The following TET2 variants were observed in gnomAD, a reference collection of about 807,000 sequenced individuals.
The protein encoded by TET2 is tet methylcytosine dioxygenase 2.
TET2 carries 299 observed loss-of-function variants against 142.9 expected under a neutral mutation model. The observed-to-expected ratio is 2.09, with a 90% CI of 1.90 to 2.30. The LOEUF is 2.30. TET2 is among the 30% of genes most tolerant of loss of function. The pLI, the probability that TET2 is intolerant of heterozygous loss-of-function variation, is 0.00. For synonymous variants in TET2, 819 were observed against 849.0 expected (o/e 0.96, Z 0.61); for missense variants, 2,418 against 2,378.0 (o/e 1.02, Z -0.35).
In TET2 at chr4:105,259,674, T is replaced by G. The variant is rs1291286274; in HGVS notation, c.3859T>G (p.Phe1287Val). 6.4e-7 allele frequency: 1 copy of G among 1,551,226 alleles called. No individual in the cohort carries two copies. The change falls in exon 7 of 11, where the codon TTT becomes GTT. Residue 1287 changes from phenylalanine (F) to valine (V), a missense_variant. Transcript: ENST00000380013. ...DPETCGASFS[F>V]GCSWSMYYNG... ...AGAAACCTGTGGTGCCTCCTTCTCTTTTGGTTGTTCATGGAGCATGTACTA... is the reference window on the plus strand; with the variant it reads ...AGAAACCTGTGGTGCCTCCTTCTCTGTTGGTTGTTCATGGAGCATGTACTA...
At chr4:105,186,679 C>G (rs1174546957) in intron 1 of TET2, among the ~76,000 whole-genome samples, 1 of 151,990 alleles carries the variant, frequency 6.6e-6, no homozygotes, top group Admixed American at 6.5e-5. Flanking sequence ...ATCATGTTGT[C>G]TAGGCAGGTC....
At chr4:105,198,295 C>G (rs765849997) in intron 2 of TET2, among the ~76,000 whole-genome samples, 1 of 152,100 alleles carries the variant, frequency 6.6e-6, no homozygotes, top group African/African-American at 2.4e-5. Flanking sequence ...GAGATCGTGC[C>G]GTTGCACTCC....
chr4:105,179,668 T>C (rs1337882639), intron 1 of TET2, among the ~76,000 whole-genome samples: 1 of 152,244 alleles, frequency 6.6e-6, no homozygotes, highest in Non-Finnish European at 1.5e-5. Flanking sequence ...ATGATTTGTG[T>C]CACCTCTGAC....
Position 105,236,748 on chromosome 4 carries a change from A to G in TET2, c.2806A>G (p.Ser936Gly). 6.2e-7 allele frequency: 1 copy of G among 1,614,134 alleles called. No individual in the cohort carries two copies. Among genetic ancestry groups the G allele is most frequent in the Non-Finnish European group, 8.5e-7 (1 of 1,180,006 alleles). The change falls in exon 3 of 11, where the codon AGT becomes GGT. Residue 936 changes from serine to glycine, a missense_variant. By Grantham distance (56) the Ser-to-Gly change is moderately conservative. Transcript: ENST00000380013. ...NVFPVPDQGG[S>G]HTQTPPQKDT... ...TTTTCCTGTGCCTGACCAGGGAGGAAGTCACACTCAGACCCCTCCCCAGAA... is the reference window on the plus strand; with the variant it reads ...TTTTCCTGTGCCTGACCAGGGAGGAGGTCACACTCAGACCCCTCCCCAGAA...
chr4:105,200,706 T>C (rs1726408747), intron 2 of TET2, among the ~76,000 whole-genome samples: 1 of 151,996 alleles, frequency 6.6e-6, no homozygotes, highest in South Asian at 2.1e-4. Context: ...CTGTCACCAG[T>C]CTGGAGTGTG....
chr4:105,240,731 C>T (rs2110247026), intron 3 of TET2: 2 of 1,080,138 alleles, frequency 1.9e-6, no homozygotes, highest in Admixed American at 1.1e-4. Context: ...TGTTGGTTTG[C>T]AACAGCCCCT....
At chr4:105,204,675 G>A in intron 2 of TET2, among the ~76,000 whole-genome samples, 1 of 152,134 alleles carries the variant, frequency 6.6e-6, no homozygotes, top group East Asian at 1.9e-4. Flanking sequence ...TAGGCTCTGT[G>A]TCTCCTCTTG....
intron 1 of TET2, among the ~76,000 whole-genome samples, chr4:105,184,593 A>G (rs1725314952): frequency 6.6e-6 from 1 of 152,184 alleles, no homozygotes; most frequent in Non-Finnish European, 1.5e-5. Flanking sequence ...TCTTCTTAAA[A>G]CTTTGACTAC....
At chr4:105,180,119 T>A (rs1025815000) in intron 1 of TET2, among the ~76,000 whole-genome samples, 2 of 152,230 alleles carry the variant, frequency 1.3e-5, no homozygotes, top group African/African-American at 2.4e-5. Flanking sequence ...GTGTAAGGAA[T>A]TAGATGTTCC....
intron 1 of TET2, among the ~76,000 whole-genome samples, chr4:105,187,987 A>G (rs552571522): frequency 6.6e-6 from 1 of 152,354 alleles, no homozygotes; most frequent in Admixed American, 6.5e-5. Context: ...CATAAGACCC[A>G]GTAGTTTCGC....
At chr4:105,150,516 C>G (rs1723244495) in intron 1 of TET2, among the ~76,000 whole-genome samples, 1 of 152,152 alleles carries the variant, frequency 6.6e-6, no homozygotes, top group Non-Finnish European at 1.5e-5. Flanking sequence ...AACACTTTGT[C>G]AATGATTATT....
At chr4:105,147,294 T>C (rs1723070197) in intron 1 of TET2, among the ~76,000 whole-genome samples, 1 of 152,248 alleles carries the variant, frequency 6.6e-6, no homozygotes, top group Non-Finnish European at 1.5e-5. Context: ...CTCAGAAAAG[T>C]GATTTTTAAA....
intron 1 of TET2, among the ~76,000 whole-genome samples, chr4:105,164,624 T>C (rs116807778): frequency 0.016 from 2,424 of 152,282 alleles, 28 homozygotes; most frequent in Middle Eastern, 0.031. Flanking sequence ...TTTTAAAGCA[T>C]AATGAGATGA....
At chr4:105,162,120 G>T (rs1723888944) in intron 1 of TET2, among the ~76,000 whole-genome samples, 1 of 152,144 alleles carries the variant, frequency 6.6e-6, no homozygotes, top group Non-Finnish European at 1.5e-5. Flanking sequence ...TTTTTATATG[G>T]TTCCTGTAGA....
chr4:105,262,519 A>G (rs1008487096), intron 8 of TET2, among the ~76,000 whole-genome samples: 1 of 152,172 alleles, frequency 6.6e-6, no homozygotes, highest in Non-Finnish European at 1.5e-5. Flanking sequence ...AAAGTCTATT[A>G]CAAACTAAAC....
At chr4:105,254,281 A>G (rs1016288055) in intron 6 of TET2, among the ~76,000 whole-genome samples, 3 of 152,164 alleles carry the variant, frequency 2.0e-5, no homozygotes, top group Non-Finnish European at 2.9e-5. Context: ...TGCTGATTCA[A>G]TTTCTTTCAT....
At chr4:105,248,585 A>G (rs553314254) in intron 6 of TET2, among the ~76,000 whole-genome samples, 8 of 152,286 alleles carry the variant, frequency 5.3e-5, no homozygotes, top group African/African-American at 1.9e-4. Context: ...AAATAAATAT[A>G]CCTTTTAGTA....
intron 1 of TET2, among the ~76,000 whole-genome samples, chr4:105,164,362 T>G (rs1350989001): frequency 6.6e-6 from 1 of 152,250 alleles, no homozygotes; most frequent in East Asian, 1.9e-4. Flanking sequence ...TTAGCATTTG[T>G]GAATCTGCTT....
Position 105,190,389 on chromosome 4 carries a change from C to A in TET2, c.-163C>A. On this transcript the variant is annotated 5_prime_UTR_variant, in exon 2 of 11. Transcript: ENST00000380013. Reference sequence around the variant, plus strand: ...GCAAACATTCAGCAGCACACCCTCTCAAGATTGTTTACTTGCCTTTGCTCC... The same window carrying A: ...GCAAACATTCAGCAGCACACCCTCTAAAGATTGTTTACTTGCCTTTGCTCC... The A allele has an allele frequency of 1.5e-6, 1 of 687,910 alleles. No homozygotes were observed. Among genetic ancestry groups the A allele is most frequent in the South Asian group, 1.5e-5 (1 of 64,716 alleles). 42.6% of individuals were successfully genotyped at this position (687,910 alleles called of 1,614,324 possible). A position where few individuals can be genotyped will look rare whatever the true frequency, so the allele number is the denominator to read the frequency against.
Sources: allele counts gnomAD v4.1 joint callset (sites outside exome capture counted in the v4.1 genomes callset), GRCh38; gene constraint gnomAD v4.1.1; transcripts MANE v1.5; gene names NCBI Gene and HGNC (gene_info 2026-07-23, HGNC 2026-07-21).